The following RBFOX3 variants were observed in gnomAD, a reference collection of about 807,000 sequenced individuals.
The protein encoded by RBFOX3 is RNA binding protein fox-1 homolog 3.
Under a neutral mutation model 48.7 loss-of-function variants are expected in RBFOX3, and 17 were observed. The ratio of observed to expected loss-of-function variants is 0.35; its 90% CI spans 0.24 to 0.52. RBFOX3 has a LOEUF of 0.52. Among genes scored for constraint, RBFOX3 ranks in the 20% least tolerant of loss-of-function variants. The probability of loss-of-function intolerance (pLI) is 0.94; values close to 1 mark genes in which losing one functional copy is unlikely to be tolerated. For synonymous variants in RBFOX3, 212 were observed against 209.5 expected, an observed-to-expected ratio of 1.01 and a Z score of -0.10; for missense variants, 382 against 497.5, an observed-to-expected ratio of 0.77 and a Z score of 2.21.
intron 2 of RBFOX3, among the ~76,000 whole-genome samples, chr17:79,339,451 C>T (rs2081710731): frequency 6.6e-6 from 1 of 152,154 alleles, no homozygotes; most frequent in South Asian, 2.1e-4. Flanking sequence ...GCAACACCAG[C>T]CTCACCCACG....
rs988126305 is a variant in RBFOX3, at chr17:79,523,047, G to A, written c.-319-40449C>T. Reference sequence around the variant, plus strand: ...AACCAGGCAGAAAAGGACAAATCCCGTAGATTCCACTGATTATGAGGTTCC... The same window carrying A: ...AACCAGGCAGAAAAGGACAAATCCCATAGATTCCACTGATTATGAGGTTCC... On this transcript the variant is annotated intron_variant, in intron 1 of 14. Transcript: ENST00000693108. Among the ~76,000 whole-genome samples, 87 of 150,460 alleles carry A rather than the reference G, an allele frequency of 5.8e-4. No individual in the cohort carries two copies. The South Asian group carries it at 0.013, about 22-fold the overall frequency.
the RBFOX3 span, among the ~76,000 whole-genome samples, chr17:79,640,450 G>A: frequency 2.0e-5 from 3 of 152,130 alleles, no homozygotes; most frequent in East Asian, 1.9e-4. Flanking sequence ...TTACAAAAAC[G>A]AAAAAATAAT....
intron 2 of RBFOX3, among the ~76,000 whole-genome samples, chr17:79,466,256 G>C (rs1202150460): frequency 1.3e-5 from 2 of 152,186 alleles, no homozygotes; most frequent in Non-Finnish European, 2.9e-5. Context: ...ACCCTCTCCC[G>C]GATTGTTCTC....
At chr17:79,289,827 G>A (rs1459622375) in intron 3 of RBFOX3, among the ~76,000 whole-genome samples, 1 of 152,250 alleles carries the variant, frequency 6.6e-6, no homozygotes, top group Non-Finnish European at 1.5e-5. Context: ...CAGCTCTCTG[G>A]TGGCTTTCTG....
intron 14 of RBFOX3, chr17:79,092,251 T>C (rs2074067285): frequency 1.0e-6 from 1 of 985,392 alleles, no homozygotes; most frequent in Admixed American, 6.1e-5. Flanking sequence ...ACTCCCAGGT[T>C]GGGGGCTGCC....
Position 79,096,632 on chromosome 17 carries a change from TC to T in RBFOX3, c.936+20del. The stretch of plus-strand genomic sequence containing the variant: ...ACAGAACGCCTGATCCCACCCTCCC[TC>T]CCGGCGGGGCTACACTTACATAAAT... On this transcript the variant is annotated intron_variant, in intron 12 of 14. Coordinates refer to ENST00000693108, the MANE Select transcript of RBFOX3 (RefSeq NM_001350451.2). The T allele has an allele frequency of 1.5e-6, 1 of 677,464 alleles. No homozygotes were observed. Among genetic ancestry groups the T allele is most frequent in the Non-Finnish European group, 2.5e-6 (1 of 399,620 alleles). The allele number at this position is 677,464 out of a possible 1,614,324, so 42.0% of individuals were successfully genotyped here.
intron 1 of RBFOX3, among the ~76,000 whole-genome samples, chr17:79,540,142 T>G (rs1055867263): frequency 6.6e-6 from 1 of 152,200 alleles, no homozygotes; most frequent in Non-Finnish European, 1.5e-5. Flanking sequence ...ATCACACGCA[T>G]GCACACACAC....
At chr17:79,393,726 C>T (rs1458647136) in intron 2 of RBFOX3, among the ~76,000 whole-genome samples, 3 of 151,410 alleles carry the variant, frequency 2.0e-5, no homozygotes, top group Middle Eastern at 6.8e-3. Context: ...GGTCATCATA[C>T]ACATCATCTG....
chr17:79,103,943 AT>A lies in RBFOX3; in HGVS notation c.414+129del. The A allele has an allele frequency of 1.4e-6, 1 of 738,068 alleles. No individual in the cohort carries two copies. Among genetic ancestry groups the A allele is most frequent in the Non-Finnish European group, 2.3e-6 (1 of 427,554 alleles). The allele number at this position is 738,068 out of a possible 1,614,324, so 45.7% of individuals were successfully genotyped here. On this transcript the variant is annotated intron_variant, in intron 7 of 14. Coordinates refer to ENST00000693108, the MANE Select transcript of RBFOX3 (RefSeq NM_001350451.2). The surrounding 1 kb of genome is among the most constrained non-coding windows in gnomAD (Gnocchi z 6.1). ...GCGGGTGGGGGCGGAAGAGCGGGGA[AT>A]ACAAGCACCCGTGTCGCTCAGGGGT... is the stretch of plus-strand genomic sequence containing the variant.
At chr17:79,528,948 G>C (rs1422198150) in intron 1 of RBFOX3, among the ~76,000 whole-genome samples, 2 of 152,212 alleles carry the variant, frequency 1.3e-5, no homozygotes, top group Non-Finnish European at 2.9e-5. Context: ...CAGGGCCTCA[G>C]GGTATGTGCT....
chr17:79,334,636 T>A (rs1394981394), intron 2 of RBFOX3, among the ~76,000 whole-genome samples: 1 of 152,190 alleles, frequency 6.6e-6, no homozygotes, highest in Non-Finnish European at 1.5e-5. Context: ...CTGGAGCCCA[T>A]CTGTGAGGCC....
intron 4 of RBFOX3, among the ~76,000 whole-genome samples, chr17:79,156,104 CA>C (rs2045730566): frequency 6.6e-6 from 1 of 152,330 alleles, no homozygotes; most frequent in Middle Eastern, 3.4e-3. Flanking sequence ...GGGACTGACA[CA>C]CTTGGGGGTG....
At chr17:79,537,118 A>AAAAC (rs1391743071) in intron 1 of RBFOX3, among the ~76,000 whole-genome samples, 13 of 123,720 alleles carry the variant, frequency 1.1e-4, no homozygotes, top group Non-Finnish European at 1.7e-4. Flanking sequence ...AACAAAAAAC[A>AAAAC]AAAAAAAAAA....
chr17:79,149,124 G>A (rs62062317), intron 4 of RBFOX3, among the ~76,000 whole-genome samples: 18 of 152,314 alleles, frequency 1.2e-4, no homozygotes, highest in East Asian at 1.9e-4. Context: ...GGAGGCTCCC[G>A]CAGCACCCAG....
chr17:79,363,806 C>G lies in RBFOX3; in HGVS notation c.-174-55982G>C, dbSNP rs571610305. Among the ~76,000 whole-genome samples the G allele has an allele frequency of 1.3e-5, 2 of 152,106 alleles. No individual in the cohort carries two copies. The highest frequency in any genetic ancestry group is 2.9e-5 in the Non-Finnish European group (2 of 68,014). ...TCTGACTGAGGAAGGTCAATCAGCT[C>G]GCACCCCTGCCCCACTCAGAACTCT... is the stretch of plus-strand genomic sequence containing the variant. On this transcript the variant is annotated intron_variant, in intron 2 of 14. Transcript: ENST00000693108. The surrounding 1 kb of genome is among the most constrained non-coding windows in gnomAD (Gnocchi z 4.7).
In RBFOX3 at chr17:79,198,689, G is replaced by A. The variant is rs890308180; in HGVS notation, c.-34+37077C>T. Among the ~76,000 whole-genome samples, 8 of 151,612 alleles carry A rather than the reference G, an allele frequency of 5.3e-5. No homozygotes were observed. Among genetic ancestry groups the A allele is most frequent in the African/African-American group, 1.9e-4 (8 of 41,208 alleles). On this transcript the variant is annotated intron_variant, in intron 4 of 14. Transcript: ENST00000693108. This position sits in a 1 kb window ranked among gnomAD's most constrained non-coding sequence, Gnocchi z 8.2. ...CACTCAAGCTGGAGTGCAGTGGCAT[G>A]ATCTAGGCTCGTTGCAACCTCCACC...
At chr17:79,495,608 T>G (rs1197427845) in intron 1 of RBFOX3, among the ~76,000 whole-genome samples, 74 of 4,106 alleles carry the variant, frequency 0.018, no homozygotes, top group South Asian at 0.024. Flanking sequence ...GTACAGAGGG[T>G]GGGGAGGTGG....
chr17:79,623,060 C>T, the RBFOX3 span, among the ~76,000 whole-genome samples: 1 of 152,174 alleles, frequency 6.6e-6, no homozygotes, highest in African/African-American at 2.4e-5. Context: ...GACCGGGGAG[C>T]CAGAAACGTG....
intron 2 of RBFOX3, among the ~76,000 whole-genome samples, chr17:79,399,980 T>G (rs9302896): frequency 0.35 from 52,877 of 152,048 alleles, 9,335 homozygotes; most frequent in African/African-American, 0.42. Flanking sequence ...TGCTTGTCTC[T>G]ACCCACAGAT....
Sources: allele counts gnomAD v4.1 joint callset (sites outside exome capture counted in the v4.1 genomes callset), GRCh38; gene constraint gnomAD v4.1.1; non-coding constraint Gnocchi (gnomAD v3.1); transcripts MANE v1.5; gene names NCBI Gene and HGNC (gene_info 2026-07-23, HGNC 2026-07-21).